The following SUFU variants were observed in gnomAD, a reference collection of about 807,000 sequenced individuals.
SUFU encodes the protein SUFU negative regulator of hedgehog signaling.
A neutral mutation model predicts 58.9 loss-of-function variants in SUFU; 7 were observed. The observed-to-expected ratio is 0.12, with a 90% CI of 0.07 to 0.22. The LOEUF (loss-of-function observed/expected upper bound fraction) is 0.22, where lower values mean the gene tolerates loss of function less well. SUFU is among the 10% of genes least tolerant of loss of function. The probability of loss-of-function intolerance (pLI) is 1.00; values close to 1 mark genes in which losing one functional copy is unlikely to be tolerated. For synonymous variants in SUFU, 232 were observed against 254.8 expected, an observed-to-expected ratio of 0.91 and a Z score of 0.85; for missense variants, 451 against 641.3, an observed-to-expected ratio of 0.70 and a Z score of 3.20.
intron 2 of SUFU, among the ~76,000 whole-genome samples, chr10:102,513,380 A>G (rs2062425011): frequency 6.6e-6 from 1 of 152,212 alleles, no homozygotes; most frequent in Non-Finnish European, 1.5e-5. Flanking sequence ...TCTCTTCAGC[A>G]AAAAAGGAGC....
chr10:102,503,853 T>C (rs534182860), upstream of SUFU: 32 of 377,140 alleles, frequency 8.5e-5, 1 homozygote, highest in South Asian at 1.2e-3. Flanking sequence ...CGGGGCCTAT[T>C]GTCAAGTCAC....
intron 2 of SUFU, among the ~76,000 whole-genome samples, chr10:102,543,266 A>G (rs1241143254): frequency 6.6e-6 from 1 of 152,174 alleles, no homozygotes; most frequent in Non-Finnish European, 1.5e-5. Flanking sequence ...ATAGGTGAGA[A>G]TGGTATCTCA....
At chr10:102,554,106 A>G (rs1228818384) in intron 3 of SUFU, among the ~76,000 whole-genome samples, 1 of 152,038 alleles carries the variant, frequency 6.6e-6, no homozygotes, top group East Asian at 1.9e-4. Context: ...AAAAACAAAA[A>G]CAAAAACAAA....
At chr10:102,511,699 C>T (rs1049657121) in intron 2 of SUFU, among the ~76,000 whole-genome samples, 1 of 151,900 alleles carries the variant, frequency 6.6e-6, no homozygotes, top group Admixed American at 6.6e-5. Flanking sequence ...TGTTTGAGTC[C>T]AAAGTTTGAG....
intron 3 of SUFU, among the ~76,000 whole-genome samples, chr10:102,591,956 T>C (rs1167279692): frequency 1.3e-5 from 2 of 152,198 alleles, no homozygotes; most frequent in African/African-American, 2.4e-5. Flanking sequence ...CTCAGAGACA[T>C]GGCCTGAGGA....
At chr10:102,613,965 G>A (rs1057200272) in intron 8 of SUFU, among the ~76,000 whole-genome samples, 2 of 152,230 alleles carry the variant, frequency 1.3e-5, no homozygotes, top group Admixed American at 6.5e-5. Flanking sequence ...GCGGGGGCCC[G>A]GTTCTGCTTT....
chr10:102,522,462 G>A (rs1023832247), intron 2 of SUFU, among the ~76,000 whole-genome samples: 5 of 152,128 alleles, frequency 3.3e-5, no homozygotes, highest in African/African-American at 1.2e-4. Context: ...TCTTGGGTGC[G>A]TGGTACAGAA....
At chr10:102,594,584 T>C (rs1251663407) in intron 6 of SUFU, among the ~76,000 whole-genome samples, 2 of 152,212 alleles carry the variant, frequency 1.3e-5, no homozygotes, top group African/African-American at 4.8e-5. Context: ...CCTGGAAAGA[T>C]TGGCACCTTA....
intron 8 of SUFU, among the ~76,000 whole-genome samples, chr10:102,605,016 C>G (rs1249082581): frequency 6.7e-6 from 1 of 149,712 alleles, no homozygotes; most frequent in Admixed American, 6.7e-5. Context: ...ACTGCAACCC[C>G]TGCCTCCTGT....
intron 2 of SUFU, among the ~76,000 whole-genome samples, chr10:102,512,960 T>TG (rs567543345): frequency 1.3e-5 from 2 of 151,874 alleles, no homozygotes; most frequent in Non-Finnish European, 2.9e-5. Flanking sequence ...CCTAGCTGCT[T>TG]GGGGGGCTGA....
intron 4 of SUFU, among the ~76,000 whole-genome samples, chr10:102,593,223 G>A (rs1212151878): frequency 6.6e-6 from 1 of 152,146 alleles, no homozygotes; most frequent in Non-Finnish European, 1.5e-5. Flanking sequence ...TATTGGTGGT[G>A]GTTCCAAGCC....
intron 3 of SUFU, among the ~76,000 whole-genome samples, chr10:102,586,794 A>G (rs912891540): frequency 3.3e-5 from 5 of 152,236 alleles, no homozygotes; most frequent in Non-Finnish European, 5.9e-5. Context: ...CATTACCACC[A>G]TCCATCTCTA....
chr10:102,528,788 C>CA (rs1328536395), intron 2 of SUFU, among the ~76,000 whole-genome samples: 2 of 152,076 alleles, frequency 1.3e-5, no homozygotes, highest in Non-Finnish European at 2.9e-5. Context: ...CAGGAACCAT[C>CA]TACTTGAGTG....
chr10:102,597,168 A>G lies in SUFU; in HGVS notation c.785A>G (p.Asp262Gly). Residue 262 changes from aspartate to glycine, a missense_variant, in exon 7 of 12, where the codon GAT (aspartate) becomes GGT (glycine). Transcript: ENST00000369902. ...AGAGTTGACAAAGGCATCGAGACAGATGGCTCCAACCTGAGTGGTGTCAGT... is the reference window on the plus strand; with the variant it reads ...AGAGTTGACAAAGGCATCGAGACAGGTGGCTCCAACCTGAGTGGTGTCAGT... Reference protein sequence around the residue: ...QERVDKGIETDGSNLSGVSAK... With the variant: ...QERVDKGIETGGSNLSGVSAK... The G allele has an allele frequency of 6.2e-7, 1 of 1,614,014 alleles. No individual in the cohort carries two copies. The highest frequency in any genetic ancestry group is 1.1e-5 in the South Asian group (1 of 91,066).
Position 102,540,669 on chromosome 10 carries a change from A to C in SUFU, c.318-9301A>C, listed in dbSNP as rs545971141. Among the ~76,000 whole-genome samples the C allele has an allele frequency of 2.1e-4, 32 of 151,434 alleles. 1 individual carries two copies. The South Asian group carries it at 6.3e-3, about 30-fold the overall frequency. ...CTGTCTCAAAAAATAATAACTAACTAACTAAATAAATACTATACCCGTGGC... is the reference window on the plus strand; with the variant it reads ...CTGTCTCAAAAAATAATAACTAACTCACTAAATAAATACTATACCCGTGGC... On this transcript the variant is annotated intron_variant, in intron 2 of 11. Transcript: ENST00000369902.
chr10:102,503,919 G>C (rs2062281965), upstream of SUFU: 1 of 510,592 alleles, frequency 2.0e-6, no homozygotes, highest in East Asian at 3.6e-5. Context: ...TGGATAGGGT[G>C]CGCCGGCGCC....
intron 3 of SUFU, among the ~76,000 whole-genome samples, chr10:102,572,375 C>T (rs573216738): frequency 9.1e-4 from 135 of 147,976 alleles, no homozygotes; most frequent in Non-Finnish European, 1.8e-3. Context: ...CGTGACCGGC[C>T]TCTCCCCTTT....
chr10:102,547,491 A>G (rs757915233), intron 2 of SUFU, among the ~76,000 whole-genome samples: 1 of 152,226 alleles, frequency 6.6e-6, no homozygotes, highest in South Asian at 2.1e-4. Context: ...ACATTGCTAT[A>G]GATACCTGGG....
Position 102,619,889 on chromosome 10 carries a change from G to A in SUFU, c.1296+2461G>A, listed in dbSNP as rs1051735641. ...GAGGCCTGGGGTTAGACTTGCAGTC[G>A]CCAGTGAGGGCCACTCCACTGGGCC... is the stretch of plus-strand genomic sequence containing the variant. On this transcript the variant is annotated intron_variant, in intron 10 of 11. Transcript: ENST00000369902. This position sits in a 1 kb window ranked among gnomAD's most constrained non-coding sequence, Gnocchi z 4.2. Among the ~76,000 whole-genome samples, 1 of 152,086 alleles carries A rather than the reference G, an allele frequency of 6.6e-6. No individual in the cohort carries two copies. The highest frequency in any genetic ancestry group is 1.5e-5 in the Non-Finnish European group (1 of 68,006).
Sources: gnomAD v4.1 joint callset for allele counts (sites outside exome capture counted in the v4.1 genomes callset) on GRCh38, gnomAD v4.1.1 for gene constraint, Gnocchi (gnomAD v3.1) non-coding constraint, MANE v1.5 for transcripts, NCBI Gene and HGNC (gene_info 2026-07-23, HGNC 2026-07-21) for gene names.